Variants in POU2F1 observed in about 807,000 individuals in gnomAD.
POU2F1 encodes the protein POU domain, class 2, transcription factor 1.
Under a neutral mutation model 84.9 loss-of-function variants are expected in POU2F1, and 16 were observed. The observed-to-expected ratio is 0.19, with a 90% CI of 0.13 to 0.29. The LOEUF (loss-of-function observed/expected upper bound fraction) is 0.29, where lower values mean the gene tolerates loss of function less well. Among genes scored for constraint, POU2F1 ranks in the 10% least tolerant of loss-of-function variants. The pLI is 1.00. For synonymous variants in POU2F1, 368 were observed against 368.3 expected, an observed-to-expected ratio of 1.00 and a Z score of 0.01; for missense variants, 738 against 942.6, an observed-to-expected ratio of 0.78 and a Z score of 2.84.
chr1:167,327,956 C>T (rs1341983882), intron 1 of POU2F1, among the ~76,000 whole-genome samples: 1 of 151,988 alleles, frequency 6.6e-6, no homozygotes, highest in Non-Finnish European at 1.5e-5. Flanking sequence ...TATAAATCTC[C>T]TGAATTGTCT....
At chr1:167,356,303 A>G (rs754434886) in intron 2 of POU2F1, among the ~76,000 whole-genome samples, 4 of 151,444 alleles carry the variant, frequency 2.6e-5, no homozygotes, top group Non-Finnish European at 4.4e-5. Context: ...GCCTGGCCAC[A>G]AAGGCAGTTT....
intron 1 of POU2F1, among the ~76,000 whole-genome samples, chr1:167,296,869 A>G (rs779462954): frequency 1.6e-4 from 24 of 152,340 alleles, no homozygotes; most frequent in South Asian, 1.2e-3. Context: ...AAAAACTTGT[A>G]TCATGAAGGC....
chr1:167,352,208 A>T (rs2101790522), intron 2 of POU2F1, among the ~76,000 whole-genome samples: 1 of 152,362 alleles, frequency 6.6e-6, no homozygotes, highest in African/African-American at 2.4e-5. Flanking sequence ...TAACATTTTG[A>T]TGCATTTCCT....
rs1657981392 is a variant in POU2F1, at chr1:167,343,352, A to G, written c.127+10817A>G. Among the ~76,000 whole-genome samples, 3 of 152,254 alleles carry G rather than the reference A, an allele frequency of 2.0e-5. No homozygotes were observed. In the South Asian group the frequency reaches 6.2e-4, roughly 31 times the overall value. ...TTCATTACTAATAGAAATTGAGAAC[A>G]TTAAAGAGAGGGTTTGTTTCTAAAA... On this transcript the variant is annotated intron_variant, in intron 2 of 15. Transcript: ENST00000367866.
intron 1 of POU2F1, among the ~76,000 whole-genome samples, chr1:167,321,196 A>C (rs1300264075): frequency 6.6e-6 from 1 of 152,188 alleles, no homozygotes; most frequent in East Asian, 1.9e-4. Flanking sequence ...ACACTGGGAA[A>C]ATTTTTTACG....
At chr1:167,401,589 C>G (rs1649212408) in intron 13 of POU2F1, 33 bp downstream of exon 13, 1 of 1,485,582 alleles carries the variant, frequency 6.7e-7, no homozygotes, top group Non-Finnish European at 9.2e-7. Flanking sequence ...ACCTGCTGAG[C>G]ACATGGGAGG....
intron 9 of POU2F1, among the ~76,000 whole-genome samples, chr1:167,391,187 G>A (rs1461049624): frequency 1.3e-5 from 2 of 152,048 alleles, no homozygotes; most frequent in African/African-American, 4.8e-5. Context: ...CAACCCTCCC[G>A]CCTTGGCCTC....
At chr1:167,282,365 C>CG (rs1025169939) in intron 1 of POU2F1, among the ~76,000 whole-genome samples, 1 of 152,076 alleles carries the variant, frequency 6.6e-6, no homozygotes, top group Non-Finnish European at 1.5e-5. Context: ...AGGATGGTCT[C>CG]GATTTCCTGA....
intron 1 of POU2F1, among the ~76,000 whole-genome samples, chr1:167,264,238 C>T (rs958336512): frequency 2.0e-5 from 3 of 150,918 alleles, no homozygotes; most frequent in African/African-American, 7.3e-5. Flanking sequence ...TTTCATGCTG[C>T]CCCATGTGAT....
At chr1:167,346,885 T>C (rs927701695) in intron 2 of POU2F1, among the ~76,000 whole-genome samples, 3 of 152,258 alleles carry the variant, frequency 2.0e-5, no homozygotes, top group Non-Finnish European at 2.9e-5. Context: ...TGATAAGTGA[T>C]TCTCTTTCAG....
At chr1:167,366,784 A>AT (rs1042544522) in intron 3 of POU2F1, among the ~76,000 whole-genome samples, 3 of 151,962 alleles carry the variant, frequency 2.0e-5, no homozygotes, top group South Asian at 2.1e-4. Context: ...TTTCATGTTG[A>AT]TTTTTTTTCT....
intron 1 of POU2F1, among the ~76,000 whole-genome samples, chr1:167,229,609 G>A (rs1400202415): frequency 6.6e-6 from 1 of 152,192 alleles, no homozygotes; most frequent in Non-Finnish European, 1.5e-5. Context: ...CAGTGTTAGA[G>A]GGATGCTGTG....
At position 167,221,077 on chromosome 1, in the gene POU2F1, G is replaced by A. The variant is rs1648083579; in HGVS notation, c.61+119G>A. ...GGATTATTATAATTAACGGCGGGGA[G>A]ATGGGGGGCCGGGGAGCATTGAGCC... On this transcript the variant is annotated intron_variant, in intron 1 of 15. Transcript: ENST00000367866. 6.3e-6 allele frequency: 6 copies of A among 949,962 alleles called. No individual in the cohort carries two copies. The South Asian group carries it at 9.6e-5, about 15-fold the overall frequency. 58.8% of individuals were successfully genotyped at this position (949,962 alleles called of 1,614,324 possible). A position where few individuals can be genotyped will look rare whatever the true frequency, so the allele number is the denominator to read the frequency against.
intron 3 of POU2F1, among the ~76,000 whole-genome samples, chr1:167,369,471 A>T (rs1215831577): frequency 6.6e-6 from 1 of 152,160 alleles, no homozygotes; most frequent in Non-Finnish European, 1.5e-5. Flanking sequence ...TCCATTGATG[A>T]CTCTGCCTAA....
intron 15 of POU2F1, among the ~76,000 whole-genome samples, chr1:167,413,988 A>T (rs904761537): frequency 8.8e-5 from 11 of 125,300 alleles, no homozygotes; most frequent in Admixed American, 4.6e-4. Flanking sequence ...CCCTGTTTCT[A>T]AAAAAAAAAA....
At chr1:167,404,164 A>C (rs1044392883) in intron 13 of POU2F1, among the ~76,000 whole-genome samples, 1 of 149,314 alleles carries the variant, frequency 6.7e-6, no homozygotes, top group Admixed American at 6.7e-5. Context: ...TATTTCTTGC[A>C]CTCTGGTAAT....
intron 4 of POU2F1, 36 bp downstream of exon 4, chr1:167,370,250 A>G: frequency 6.5e-7 from 1 of 1,532,976 alleles, no homozygotes; most frequent in Non-Finnish European, 8.9e-7. Context: ...TCAATCTTTT[A>G]TTTATTTTTT....
intron 2 of POU2F1, among the ~76,000 whole-genome samples, chr1:167,339,208 A>G (rs1439102559): frequency 2.0e-5 from 3 of 151,776 alleles, no homozygotes; most frequent in East Asian, 3.9e-4. Flanking sequence ...TTCCATCATC[A>G]TATTTCCTTC....
intron 15 of POU2F1, among the ~76,000 whole-genome samples, chr1:167,415,001 G>A (rs182981987): frequency 6.6e-6 from 1 of 152,140 alleles, no homozygotes; most frequent in Non-Finnish European, 1.5e-5. Flanking sequence ...ACCTCAGATC[G>A]TGCTCTATGA....
Sources: allele counts gnomAD v4.1 joint callset (sites outside exome capture counted in the v4.1 genomes callset), GRCh38; gene constraint gnomAD v4.1.1; transcripts MANE v1.5; gene names NCBI Gene and HGNC (gene_info 2026-07-23, HGNC 2026-07-21).